Variants in JAK1 observed in about 807,000 individuals in gnomAD.
JAK1 encodes the protein Janus kinase 1.
Under a neutral mutation model 136.6 loss-of-function variants are expected in JAK1, and 16 were observed. That is an observed-to-expected ratio of 0.12 (90% CI 0.08 to 0.18). JAK1 has a LOEUF of 0.18. Among genes scored for constraint, JAK1 ranks in the 10% least tolerant of loss-of-function variants. The probability of loss-of-function intolerance (pLI) is 1.00; values close to 1 mark genes in which losing one functional copy is unlikely to be tolerated. For synonymous variants in JAK1, 492 were observed against 519.5 expected, an observed-to-expected ratio of 0.95 and a Z score of 0.72; for missense variants, 859 against 1,450.1, an observed-to-expected ratio of 0.59 and a Z score of 6.62.
chr1:65,038,828 G>A (rs1569926331), intron 2 of JAK1, among the ~76,000 whole-genome samples: 1 of 152,002 alleles, frequency 6.6e-6, no homozygotes, highest in South Asian at 2.1e-4. Context: ...TAGTAGAGAC[G>A]GGTTTTGCCA....
intron 20 of JAK1, 41 bp downstream of exon 20, chr1:64,839,562 C>A (rs2100958682): frequency 1.9e-6 from 3 of 1,586,166 alleles, no homozygotes; most frequent in East Asian, 4.5e-5. Flanking sequence ...CCTAGACAGT[C>A]ACCAAATCTT....
chr1:65,049,560 C>T lies in JAK1; in HGVS notation c.-180-4978G>A, dbSNP rs376985085. On this transcript the variant is annotated intron_variant, in intron 1 of 25. Transcript: ENST00000671954. ...TGGTGGGCATGAGCTTTCTGACTGG[C>T]CACGGGTCCTTCCTTTGGGATACCA... is the stretch of plus-strand genomic sequence containing the variant. Among the ~76,000 whole-genome samples the T allele has an allele frequency of 1.5e-4, 23 of 152,288 alleles. No individual in the cohort carries two copies. In the South Asian group the frequency reaches 4.6e-3, roughly 30 times the overall value.
At chr1:64,979,421 AT>A (rs1646524261) in intron 2 of JAK1, 1 of 152,228 alleles carries the variant, frequency 6.6e-6, no homozygotes, top group Non-Finnish European at 1.5e-5. Context: ...ATAAAATGAA[AT>A]AAAAATAGAA....
chr1:64,942,535 A>C (rs1053470750), intron 1 of JAK1, among the ~76,000 whole-genome samples: 8 of 152,258 alleles, frequency 5.3e-5, no homozygotes, highest in Non-Finnish European at 1.2e-4. Flanking sequence ...AACTGATCTT[A>C]CATGGAAAAA....
rs116390532 is a variant in JAK1, at chr1:64,905,521, C to T, written c.-77-19180G>A. Among the ~76,000 whole-genome samples the T allele has an allele frequency of 3.0e-3, 463 of 152,214 alleles. 1 individual carries two copies. The highest frequency in any genetic ancestry group is 0.01 in the African/African-American group (431 of 41,532). ...CTGGACTAATAAAGAAAGAAATAATCGTATTGAAAGCAGATATTGTACAGT... is the reference window on the plus strand; with the variant it reads ...CTGGACTAATAAAGAAAGAAATAATTGTATTGAAAGCAGATATTGTACAGT... On this transcript the variant is annotated intron_variant, in intron 1 of 24. Transcript: ENST00000342505.
chr1:64,927,082 A>G (rs1645595723), intron 1 of JAK1, among the ~76,000 whole-genome samples: 1 of 152,204 alleles, frequency 6.6e-6, no homozygotes, highest in African/African-American at 2.4e-5. Context: ...CTGACTCTTC[A>G]GCCCTGACTG....
chr1:64,966,784 T>G (rs1260987270), upstream of JAK1, among the ~76,000 whole-genome samples: 2 of 145,896 alleles, frequency 1.4e-5, no homozygotes, highest in African/African-American at 5.1e-5. Flanking sequence ...ATCTAGAAAC[T>G]CATCTAGGAC....
intron 10 of JAK1, 121 bp from the exon 11 acceptor site, chr1:64,855,819 G>T: frequency 1.4e-6 from 1 of 716,348 alleles, no homozygotes. Flanking sequence ...TAACATTTCT[G>T]TAAATCTAAA....
intron 5 of JAK1, among the ~76,000 whole-genome samples, chr1:64,870,096 C>A (rs2101136780): frequency 6.6e-6 from 1 of 152,182 alleles, no homozygotes; most frequent in East Asian, 1.9e-4. Context: ...CAAGGCTAAC[C>A]AGCAGTGCCC....
At chr1:64,999,538 G>C (rs1299046173) in intron 2 of JAK1, among the ~76,000 whole-genome samples, 1 of 152,106 alleles carries the variant, frequency 6.6e-6, no homozygotes, top group Non-Finnish European at 1.5e-5. Flanking sequence ...AGGAGCTCGA[G>C]ACCAGCCTGG....
intron 1 of JAK1, chr1:64,942,305 C>A (rs117504079): frequency 6.6e-6 from 1 of 152,116 alleles, no homozygotes; most frequent in Non-Finnish European, 1.5e-5. Flanking sequence ...GCTAGATAAC[C>A]GGTATGAACC....
At chr1:64,911,208 C>T (rs977598710) in intron 1 of JAK1, among the ~76,000 whole-genome samples, 7 of 152,096 alleles carry the variant, frequency 4.6e-5, no homozygotes. Context: ...TTTGGGGCCA[C>T]AGGAATGAGG....
intron 1 of JAK1, among the ~76,000 whole-genome samples, chr1:64,902,583 A>AGAGAGAGAGAGTGT: frequency 0.011 from 777 of 73,788 alleles, 12 homozygotes; most frequent in South Asian, 0.036. Flanking sequence ...AGAGAGAGAG[A>AGAGAGAGAGAGTGT]GTGTGTGTGT....
chr1:64,962,939 G>A (rs1022213467), intron 1 of JAK1, among the ~76,000 whole-genome samples: 3 of 152,150 alleles, frequency 2.0e-5, no homozygotes, highest in Non-Finnish European at 4.4e-5. Context: ...AGGCATGGTG[G>A]AACGTGCCTG....
chr1:65,001,864 A>G (rs17127211), intron 2 of JAK1, among the ~76,000 whole-genome samples: 11,573 of 151,946 alleles, frequency 0.076, 549 homozygotes, highest in African/African-American at 0.12. Context: ...CGTTGAGTGG[A>G]TTAAATTCCT....
At chr1:65,025,891 C>A (rs558487159) in intron 2 of JAK1, among the ~76,000 whole-genome samples, 1 of 152,206 alleles carries the variant, frequency 6.6e-6, no homozygotes, top group Non-Finnish European at 1.5e-5. Flanking sequence ...GTTGCCCAGG[C>A]TACTCTTGTA....
intron 13 of JAK1, 31 bp downstream of exon 13, chr1:64,847,496 AGAGGG>A (rs751993098): frequency 6.2e-7 from 1 of 1,612,004 alleles, no homozygotes; most frequent in Non-Finnish European, 8.5e-7. Context: ...CAGAAACGGG[AGAGGG>A]GAGGGGAGGA....
intron 1 of JAK1, among the ~76,000 whole-genome samples, chr1:65,067,151 GCCCCGCGCCGCCGC>G (rs1228754161): frequency 6.6e-6 from 1 of 151,032 alleles, no homozygotes; most frequent in Non-Finnish European, 1.5e-5. Flanking sequence ...GGCCCGGCCC[GCCCCGCGCCGCCGC>G]CCCCGCGCTC....
At chr1:64,962,231 G>A (rs996589486) in intron 1 of JAK1, among the ~76,000 whole-genome samples, 6 of 152,204 alleles carry the variant, frequency 3.9e-5, no homozygotes, top group African/African-American at 1.4e-4. Flanking sequence ...AGCTCAACAA[G>A]TATTTGCTAA....
Sources: gnomAD v4.1 joint callset for allele counts (sites outside exome capture counted in the v4.1 genomes callset) on GRCh38, gnomAD v4.1.1 for gene constraint, MANE v1.5 for transcripts, NCBI Gene and HGNC (gene_info 2026-07-23, HGNC 2026-07-21) for gene names.